CAP2: variants seen among roughly 807,000 people sequenced by gnomAD.
The protein encoded by CAP2 is adenylyl cyclase-associated protein 2.
In CAP2, 24 loss-of-function variants were observed where a neutral mutation model predicts 57.7. That is an observed-to-expected ratio of 0.42 (90% confidence interval 0.30 to 0.58). The LOEUF is 0.58. Ranked by LOEUF, CAP2 falls within the 20% of genes least tolerant of loss-of-function variation. The pLI is 0.22. For missense variants in CAP2, 501 were observed against 590.3 expected (o/e 0.85, Z 1.57); for synonymous variants, 194 against 207.2 (o/e 0.94, Z 0.55).
intron 3 of CAP2, among the ~76,000 whole-genome samples, chr6:17,459,787 A>G (rs1188448246): frequency 2.0e-5 from 3 of 152,216 alleles, no homozygotes; most frequent in Admixed American, 1.3e-4. Context: ...CTAACAATAG[A>G]AAAAGTATTC....
At chr6:17,526,818 A>C (rs1398962006) in intron 7 of CAP2, among the ~76,000 whole-genome samples, 1 of 151,654 alleles carries the variant, frequency 6.6e-6, no homozygotes, top group Non-Finnish European at 1.5e-5. Context: ...TTAGCCGGGC[A>C]TGGTGGCGCA....
intron 3 of CAP2, among the ~76,000 whole-genome samples, chr6:17,444,332 A>G (rs1430654182): frequency 6.6e-6 from 1 of 152,142 alleles, no homozygotes; most frequent in African/African-American, 2.4e-5. Context: ...CCAAACCTAG[A>G]CCAGTAGTTA....
In CAP2 at chr6:17,542,843, C is replaced by G. The variant is rs1395707196; in HGVS notation, c.1009C>G (p.Gln337Glu). The G allele has an allele frequency of 6.2e-7, 1 of 1,610,054 alleles. No homozygotes were observed. Among genetic ancestry groups the G allele is most frequent in the Non-Finnish European group, 8.5e-7 (1 of 1,177,326 alleles). Residue 337 changes from glutamine to glutamate, a missense_variant, in exon 10 of 13, where the codon CAA (glutamine) becomes GAA (glutamate). Gln to Glu is a conservative substitution (Grantham distance 29, BLOSUM62 2). Transcript: ENST00000229922. ...GTATTTGTCTTAATTCTAGGAGTAC[C>G]AAGAGGACAGGAATGACCTTGTGAT... Reference protein sequence around the residue: ...LEGKKWRVEYQEDRNDLVISE... With the variant: ...LEGKKWRVEYEEDRNDLVISE...
intron 1 of CAP2, among the ~76,000 whole-genome samples, chr6:17,407,379 C>T (rs927088139): frequency 6.6e-6 from 1 of 151,560 alleles, no homozygotes; most frequent in Non-Finnish European, 1.5e-5. Flanking sequence ...TTCGGGAGAC[C>T]GAGTCAGGAG....
chr6:17,541,201 C>T (rs1762891352), intron 9 of CAP2, 53 bp downstream of exon 9: 1 of 1,388,436 alleles, frequency 7.2e-7, no homozygotes. Context: ...ATGAAAGGAC[C>T]AACAGCCAAA....
At chr6:17,489,121 G>A (rs1421921724) in intron 4 of CAP2, among the ~76,000 whole-genome samples, 1 of 152,110 alleles carries the variant, frequency 6.6e-6, no homozygotes, top group East Asian at 1.9e-4. Flanking sequence ...GCCACCATGA[G>A]CCACAGAGAA....
chr6:17,447,132 C>T (rs148367716), intron 3 of CAP2, among the ~76,000 whole-genome samples: 98 of 151,422 alleles, frequency 6.5e-4, no homozygotes, highest in African/African-American at 2.0e-3. Flanking sequence ...AAGAGATCCT[C>T]CCACCTCAGT....
At chr6:17,442,596 C>G (rs1760118032) in intron 3 of CAP2, among the ~76,000 whole-genome samples, 1 of 152,084 alleles carries the variant, frequency 6.6e-6, no homozygotes, top group Non-Finnish European at 1.5e-5. Flanking sequence ...GCCAGAAGTT[C>G]CTGAGAGCTG....
In CAP2 at chr6:17,427,926, G is replaced by A. The variant is rs777484778; in HGVS notation, c.222+1236G>A. 3.9e-4 allele frequency among the ~76,000 whole-genome samples: 59 copies of A among 152,300 alleles called. 1 individual carries two copies. The Middle Eastern group carries it at 0.014, about 35-fold the overall frequency. ...AAATACTGTATGATTCCATTTATTG[G>A]CAGTGCCTAGGGCGGTCAAATTTGT... On this transcript the variant is annotated intron_variant, in intron 3 of 12. Transcript: ENST00000229922.
chr6:17,486,734 C>A (rs940233792), intron 4 of CAP2, among the ~76,000 whole-genome samples: 8 of 152,222 alleles, frequency 5.3e-5, no homozygotes, highest in African/African-American at 1.9e-4. Context: ...GCCTAGGGAT[C>A]TAAACATGTT....
At chr6:17,487,221 G>A (rs141112157) in intron 4 of CAP2, among the ~76,000 whole-genome samples, 181 of 152,220 alleles carry the variant, frequency 1.2e-3, no homozygotes, top group South Asian at 2.1e-3. Context: ...CATCCCCCTT[G>A]CTGTGGACGT....
chr6:17,553,135 C>T (rs1369113233), intron 12 of CAP2, among the ~76,000 whole-genome samples: 2 of 152,104 alleles, frequency 1.3e-5, no homozygotes, highest in South Asian at 2.1e-4. Context: ...AGAAGGAAGG[C>T]TCAGCTGCAT....
intron 4 of CAP2, among the ~76,000 whole-genome samples, chr6:17,484,854 T>C (rs1385689407): frequency 6.6e-6 from 1 of 152,212 alleles, no homozygotes; most frequent in African/African-American, 2.4e-5. Flanking sequence ...ATGCATTGTG[T>C]CATTGTCTCA....
intron 3 of CAP2, among the ~76,000 whole-genome samples, chr6:17,460,868 C>T (rs1173567221): frequency 6.6e-6 from 1 of 152,162 alleles, no homozygotes; most frequent in East Asian, 1.9e-4. Flanking sequence ...CTAATCTTTG[C>T]TGGGTGTGGT....
At chr6:17,511,419 A>G (rs1252726943) in intron 6 of CAP2, among the ~76,000 whole-genome samples, 1 of 152,090 alleles carries the variant, frequency 6.6e-6, no homozygotes, top group East Asian at 1.9e-4. Flanking sequence ...AACGCTTACC[A>G]CCAGCTTGAC....
At chr6:17,469,454 A>G (rs997759768) in intron 4 of CAP2, among the ~76,000 whole-genome samples, 2 of 151,788 alleles carry the variant, frequency 1.3e-5, no homozygotes, top group Non-Finnish European at 2.9e-5. Flanking sequence ...GTGTATTTGC[A>G]TGGAATCAAT....
At chr6:17,430,401 C>T (rs1378569358) in intron 3 of CAP2, among the ~76,000 whole-genome samples, 1 of 152,218 alleles carries the variant, frequency 6.6e-6, no homozygotes, top group Non-Finnish European at 1.5e-5. Context: ...TAATTGCATA[C>T]ATGCATGATT....
At chr6:17,514,063 A>G (rs1762215796) in intron 7 of CAP2, 109 bp downstream of exon 7, 2 of 750,522 alleles carry the variant, frequency 2.7e-6, no homozygotes, top group East Asian at 2.7e-5. Context: ...AAAATGTAAG[A>G]TTAAATGTCC....
chr6:17,469,379 T>C (rs554481694), intron 4 of CAP2, among the ~76,000 whole-genome samples: 1 of 152,090 alleles, frequency 6.6e-6, no homozygotes, highest in Non-Finnish European at 1.5e-5. Flanking sequence ...GACCTGACAG[T>C]GAAATGATCT....
Sources: gnomAD v4.1 joint callset for allele counts (sites outside exome capture counted in the v4.1 genomes callset) on GRCh38, gnomAD v4.1.1 for gene constraint, MANE v1.5 for transcripts, NCBI Gene and HGNC (gene_info 2026-07-23, HGNC 2026-07-21) for gene names.